The following FNDC3B variants were observed in gnomAD, a reference collection of about 807,000 sequenced individuals.
FNDC3B encodes fibronectin type III domain containing 3B, also known as fibronectin type III domain-containing protein 3B.
Under a neutral mutation model 151.5 loss-of-function variants are expected in FNDC3B, and 12 were observed. The ratio of observed to expected loss-of-function variants is 0.08; its 90% confidence interval spans 0.05 to 0.13. The LOEUF (loss-of-function observed/expected upper bound fraction) is 0.13. FNDC3B is among the 10% of genes least tolerant of loss of function. The pLI is 1.00. For missense variants in FNDC3B, 1,214 were observed against 1,505.3 expected, an observed-to-expected ratio of 0.81 and a Z score of 3.20; for synonymous variants, 528 against 549.0, an observed-to-expected ratio of 0.96 and a Z score of 0.54.
intron 3 of FNDC3B, among the ~76,000 whole-genome samples, chr3:172,145,283 C>G (rs1371168065): frequency 1.3e-5 from 2 of 152,014 alleles, no homozygotes; most frequent in Non-Finnish European, 2.9e-5. Context: ...GGTGTAGCAT[C>G]AAGGGAGAAG....
chr3:172,075,724 AACAC>A (rs57920659), intron 1 of FNDC3B, among the ~76,000 whole-genome samples: 7,013 of 146,886 alleles, frequency 0.048, 488 homozygotes, highest in African/African-American at 0.16. Context: ...TAGCCCAGTA[AACAC>A]ACACACACAC....
intron 2 of FNDC3B, among the ~76,000 whole-genome samples, chr3:172,119,191 A>G (rs1720416040): frequency 6.6e-6 from 1 of 150,974 alleles, no homozygotes; most frequent in South Asian, 2.1e-4. Flanking sequence ...AAAAAAAAAA[A>G]AGAATGAGAG....
chr3:172,169,941 C>G (rs905054964), intron 3 of FNDC3B, among the ~76,000 whole-genome samples: 5 of 152,236 alleles, frequency 3.3e-5, no homozygotes, highest in Non-Finnish European at 7.3e-5. Context: ...AAAAGCCACT[C>G]TTGACTCCAA....
At position 172,362,801 on chromosome 3, in the gene FNDC3B, T is replaced by C; in HGVS notation, c.2964T>C (p.Ala988=). ...ACAGTAACTCCAAGACACATGCTGC[T>C]GAGGACATTGTGTACACACTACAGC... ...WGDSNSKTHA[A]EDIVYTLQLE... is the part of the protein sequence containing the mutation. The change falls in exon 23 of 26, where the codon GCT becomes GCC. Residue 988 remains alanine, a synonymous_variant. Coordinates refer to ENST00000415807, the MANE Select transcript of FNDC3B (RefSeq NM_022763.4). 6.2e-7 allele frequency: 1 copy of C among 1,614,036 alleles called. No homozygotes were observed. Among genetic ancestry groups the C allele is most frequent in the Non-Finnish European group, 8.5e-7 (1 of 1,179,994 alleles).
chr3:172,073,430 G>A (rs1334129382), intron 1 of FNDC3B, among the ~76,000 whole-genome samples: 1 of 152,180 alleles, frequency 6.6e-6, no homozygotes, highest in Non-Finnish European at 1.5e-5. Flanking sequence ...AACACACTTC[G>A]TTCCTGGCTG....
At chr3:172,153,429 T>G (rs1223698156) in intron 3 of FNDC3B, among the ~76,000 whole-genome samples, 1 of 152,198 alleles carries the variant, frequency 6.6e-6, no homozygotes, top group Non-Finnish European at 1.5e-5. Context: ...GCACGCTGCC[T>G]TGCTCCAGAC....
chr3:172,195,120 C>A (rs1419770828), intron 3 of FNDC3B, among the ~76,000 whole-genome samples: 4 of 152,118 alleles, frequency 2.6e-5, no homozygotes, highest in Non-Finnish European at 4.4e-5. Flanking sequence ...AAAGTTTGAT[C>A]TTGAGATAAA....
At chr3:172,309,884 C>T (rs6787761) in intron 10 of FNDC3B, among the ~76,000 whole-genome samples, 7,746 of 152,178 alleles carry the variant, frequency 0.051, 721 homozygotes, top group African/African-American at 0.18. Context: ...AGACCACATG[C>T]GACAAACAGC....
intron 1 of FNDC3B, among the ~76,000 whole-genome samples, chr3:172,044,405 T>A (rs1716260141): frequency 6.6e-6 from 1 of 152,118 alleles, no homozygotes; most frequent in Non-Finnish European, 1.5e-5. Context: ...CTGAATCTAT[T>A]GTATCTTCCA....
chr3:172,090,518 C>A (rs1392972666), intron 1 of FNDC3B, among the ~76,000 whole-genome samples: 5 of 152,134 alleles, frequency 3.3e-5, no homozygotes, highest in African/African-American at 1.2e-4. Flanking sequence ...ACAGAATAAT[C>A]CAAGTTTCCT....
At chr3:172,281,861 T>C (rs10936718) in intron 6 of FNDC3B, among the ~76,000 whole-genome samples, 14,755 of 152,076 alleles carry the variant, frequency 0.097, 790 homozygotes, top group African/African-American at 0.14. Context: ...GATCAGTTAT[T>C]CTTCTTTCCT....
At chr3:172,232,064 G>A (rs543103814) in intron 4 of FNDC3B, among the ~76,000 whole-genome samples, 318 of 151,698 alleles carry the variant, frequency 2.1e-3, no homozygotes, top group African/African-American at 5.7e-3. Flanking sequence ...TATTTTTAGC[G>A]GAGATGGGGT....
intron 3 of FNDC3B, among the ~76,000 whole-genome samples, chr3:172,151,147 T>C (rs779428895): frequency 6.6e-6 from 1 of 152,184 alleles, no homozygotes; most frequent in Non-Finnish European, 1.5e-5. Flanking sequence ...CGGAAAGCCT[T>C]ATTTATTTTT....
chr3:172,209,367 A>G (rs916931744), intron 3 of FNDC3B, among the ~76,000 whole-genome samples: 11 of 152,058 alleles, frequency 7.2e-5, no homozygotes, highest in African/African-American at 2.7e-4. Context: ...GTGGGTCTCG[A>G]GTTTTTCTTC....
At chr3:172,286,018 C>T in intron 7 of FNDC3B, 34 bp downstream of exon 7, 2 of 1,493,144 alleles carry the variant, frequency 1.3e-6, no homozygotes, top group Non-Finnish European at 1.8e-6. Context: ...ATAAATGACA[C>T]TTTTTAAAGT....
intron 1 of FNDC3B, among the ~76,000 whole-genome samples, chr3:172,093,480 G>C (rs535433638): frequency 1.3e-5 from 2 of 151,596 alleles, no homozygotes; most frequent in African/African-American, 4.8e-5. Context: ...GGATGGTCTC[G>C]ATCTCCTGAC....
intron 4 of FNDC3B, among the ~76,000 whole-genome samples, chr3:172,228,623 A>T (rs998839065): frequency 6.6e-6 from 1 of 152,236 alleles, no homozygotes. Flanking sequence ...GTAGAGCTGT[A>T]CACTCGCTTG....
rs2108287072 is a variant in FNDC3B, at chr3:172,330,465, G to GCTGAGC, written c.1380-73_1380-68dup. 3 of 1,347,202 alleles carry GCTGAGC rather than the reference G, an allele frequency of 2.2e-6. No homozygotes were observed. In the South Asian group the frequency reaches 4.2e-5, roughly 19 times the overall value. The allele number at this position is 1,347,202 out of a possible 1,614,324, so 83.5% of individuals were successfully genotyped here. A position where few individuals can be genotyped will look rare whatever the true frequency, so the allele number is the denominator to read the frequency against. Reference sequence around the variant, plus strand: ...CTAGGCTGAGTTGGGTAGTGTGCAGGCTGAGCCTTCCTCTTTTAAAATGCC... The same window carrying GCTGAGC: ...CTAGGCTGAGTTGGGTAGTGTGCAGGCTGAGCCTGAGCCTTCCTCTTTTAAAATGCC... On this transcript the variant is annotated intron_variant, in intron 12 of 25. Coordinates refer to ENST00000415807, the MANE Select transcript of FNDC3B (RefSeq NM_022763.4).
At chr3:172,120,651 TG>T (rs1310049699) in intron 2 of FNDC3B, among the ~76,000 whole-genome samples, 2 of 152,042 alleles carry the variant, frequency 1.3e-5, no homozygotes, top group African/African-American at 4.8e-5. Context: ...ATATTAAAAA[TG>T]GGAAGATTTA....
Sources: gnomAD v4.1 joint callset for allele counts (sites outside exome capture counted in the v4.1 genomes callset) on GRCh38, gnomAD v4.1.1 for gene constraint, MANE v1.5 for transcripts, NCBI Gene and HGNC (gene_info 2026-07-23, HGNC 2026-07-21) for gene names.